The following ITGA9 variants were observed in gnomAD, a reference collection of about 807,000 sequenced individuals.
The protein encoded by ITGA9 is integrin alpha-9.
A neutral mutation model predicts 127.8 loss-of-function variants in ITGA9; 56 were observed. The ratio of observed to expected loss-of-function variants is 0.44; its 90% CI spans 0.35 to 0.55. The LOEUF (loss-of-function observed/expected upper bound fraction) is 0.55. Ranked by LOEUF, ITGA9 falls within the 20% of genes least tolerant of loss-of-function variation. The probability of loss-of-function intolerance (pLI) is 0.00; values close to 1 mark genes in which losing one functional copy is unlikely to be tolerated. For missense variants in ITGA9, 1,196 were observed against 1,347.1 expected, an observed-to-expected ratio of 0.89 and a Z score of 1.76; for synonymous variants, 508 against 514.5, an observed-to-expected ratio of 0.99 and a Z score of 0.17.
chr3:37,592,313 C>A (rs1365240910), intron 15 of ITGA9, among the ~76,000 whole-genome samples: 1 of 152,144 alleles, frequency 6.6e-6, no homozygotes, highest in Admixed American at 6.5e-5. Context: ...AAGGCTATTC[C>A]TCGTTGAAGG....
chr3:37,542,052 T>C (rs752186229), intron 14 of ITGA9, among the ~76,000 whole-genome samples: 4 of 152,196 alleles, frequency 2.6e-5, no homozygotes, highest in Non-Finnish European at 4.4e-5. Context: ...CTTCTGGTAA[T>C]GTTCTGTAGG....
At position 37,795,017 on chromosome 3, in the gene ITGA9, C is replaced by A. The variant is rs570993727; in HGVS notation, c.2890-8806C>A. On this transcript the variant is annotated intron_variant, in intron 26 of 27. Coordinates refer to ENST00000264741, the MANE Select transcript of ITGA9 (RefSeq NM_002207.3). ...CACCCTGTCTCCCTCCTCCCTCCCC[C>A]ACACCTGCACTGGCTATTAGATGGA... Among the ~76,000 whole-genome samples, 343 of 152,344 alleles carry A rather than the reference C, an allele frequency of 2.3e-3. 2 individuals carry two copies. Among genetic ancestry groups the A allele is most frequent in the Middle Eastern group, 0.017 (5 of 294 alleles).
At chr3:37,624,852 C>T (rs1355181920) in intron 15 of ITGA9, among the ~76,000 whole-genome samples, 4 of 152,184 alleles carry the variant, frequency 2.6e-5, no homozygotes, top group Non-Finnish European at 5.9e-5. Context: ...GGTCATCCGC[C>T]TTCCTCAGCC....
intron 15 of ITGA9, among the ~76,000 whole-genome samples, chr3:37,543,319 C>T (rs1699294006): frequency 6.6e-6 from 1 of 152,076 alleles, no homozygotes; most frequent in Non-Finnish European, 1.5e-5. Context: ...TGCACTTAAT[C>T]CAGGCCACAT....
intron 16 of ITGA9, among the ~76,000 whole-genome samples, chr3:37,646,085 T>A (rs1304141194): frequency 6.6e-6 from 1 of 152,226 alleles, no homozygotes; most frequent in African/African-American, 2.4e-5. Context: ...ATCTTTTTTT[T>A]CCTGGCCTGA....
At chr3:37,530,733 T>G (rs1473392025) in intron 13 of ITGA9, among the ~76,000 whole-genome samples, 5 of 15,146 alleles carry the variant, frequency 3.3e-4, no homozygotes, top group South Asian at 3.0e-3. Context: ...TTTTTTTTTT[T>G]TTTTTTTTTT....
intron 5 of ITGA9, among the ~76,000 whole-genome samples, chr3:37,499,313 G>C (rs1439109757): frequency 1.3e-5 from 2 of 152,182 alleles, no homozygotes; most frequent in African/African-American, 4.8e-5. Context: ...TAGATCCCGG[G>C]CACTCCTGCC....
rs1229811228 is a variant in ITGA9, at chr3:37,822,410, G to A, written c.*3421G>A. ...GGCCATAGAGCTGTCACAAAGAAGA[G>A]GCCATGATGTTTAGAAACAAGGGGA... On this transcript the variant is annotated 3_prime_UTR_variant, in exon 28 of 28. Transcript: ENST00000264741. The A allele has an allele frequency of 6.6e-6, 1 of 152,244 alleles. No homozygotes were observed. Among genetic ancestry groups the A allele is most frequent in the African/African-American group, 2.4e-5 (1 of 41,446 alleles). 9.4% of individuals were successfully genotyped at this position (152,244 alleles called of 1,614,324 possible). A position where few individuals can be genotyped will look rare whatever the true frequency, so the allele number is the denominator to read the frequency against.
chr3:37,817,697 GTC>G (rs1263292937), intron 27 of ITGA9, among the ~76,000 whole-genome samples: 1 of 152,198 alleles, frequency 6.6e-6, no homozygotes, highest in Non-Finnish European at 1.5e-5. Context: ...GAGATGCCGA[GTC>G]TCTCAGAGCA....
intron 4 of ITGA9, among the ~76,000 whole-genome samples, chr3:37,489,958 T>A (rs1450206374): frequency 6.6e-6 from 1 of 152,206 alleles, no homozygotes; most frequent in Non-Finnish European, 1.5e-5. Flanking sequence ...CTGTTGCAGG[T>A]AGCCCCTACT....
At chr3:37,581,132 T>C (rs951632882) in intron 15 of ITGA9, among the ~76,000 whole-genome samples, 2 of 152,186 alleles carry the variant, frequency 1.3e-5, no homozygotes, top group African/African-American at 4.8e-5. Flanking sequence ...ATATTGTAGA[T>C]ATTTTCAAAA....
At chr3:37,647,625 A>G (rs1204854757) in intron 16 of ITGA9, among the ~76,000 whole-genome samples, 1 of 150,886 alleles carries the variant, frequency 6.6e-6, no homozygotes, top group Non-Finnish European at 1.5e-5. Flanking sequence ...CCCATTCCCT[A>G]CTCCCTACCC....
intron 16 of ITGA9, among the ~76,000 whole-genome samples, chr3:37,632,088 T>C (rs1349890204): frequency 1.3e-5 from 2 of 152,076 alleles, no homozygotes; most frequent in Non-Finnish European, 2.9e-5. Flanking sequence ...AAACCCAAGA[T>C]TGAGGAATAT....
intron 23 of ITGA9, among the ~76,000 whole-genome samples, chr3:37,768,726 A>G (rs1430247317): frequency 2.0e-5 from 3 of 152,088 alleles, no homozygotes; most frequent in Admixed American, 2.0e-4. Flanking sequence ...TCTAAAATGA[A>G]CCTAGGTCCC....
chr3:37,729,734 T>C (rs189219328), intron 18 of ITGA9, among the ~76,000 whole-genome samples: 3,039 of 148,270 alleles, frequency 0.02, 91 homozygotes, highest in African/African-American at 0.061. Flanking sequence ...AGACAGAGTC[T>C]TGCTCTGTCA....
chr3:37,793,812 G>A (rs1251525005), intron 26 of ITGA9, among the ~76,000 whole-genome samples: 1 of 152,182 alleles, frequency 6.6e-6, no homozygotes, highest in Non-Finnish European at 1.5e-5. Flanking sequence ...CAGGGGAGCT[G>A]GGGTCTCACA....
chr3:37,641,715 A>G (rs1700335792), intron 16 of ITGA9, among the ~76,000 whole-genome samples: 1 of 152,154 alleles, frequency 6.6e-6, no homozygotes, highest in African/African-American at 2.4e-5. Context: ...GAGCCTGTAC[A>G]GTGGGGCTCC....
intron 23 of ITGA9, among the ~76,000 whole-genome samples, chr3:37,770,909 C>G (rs756572406): frequency 1.3e-5 from 2 of 152,182 alleles, no homozygotes; most frequent in African/African-American, 4.8e-5. Context: ...TCAGTTTGCA[C>G]AATGTCCTCT....
chr3:37,487,054 A>C (rs908435288), intron 4 of ITGA9, among the ~76,000 whole-genome samples: 2 of 152,112 alleles, frequency 1.3e-5, no homozygotes, highest in African/African-American at 4.8e-5. Context: ...TCCATTTACA[A>C]ATGAAAAGGA....
Sources: gnomAD v4.1 joint callset for allele counts (sites outside exome capture counted in the v4.1 genomes callset) on GRCh38, gnomAD v4.1.1 for gene constraint, MANE v1.5 for transcripts, NCBI Gene and HGNC (gene_info 2026-07-23, HGNC 2026-07-21) for gene names.